The following SLC30A8 variants were observed in gnomAD, a reference collection of about 807,000 sequenced individuals.
The protein encoded by SLC30A8 is proton-coupled zinc antiporter SLC30A8.
In SLC30A8, 27 loss-of-function variants were observed where a neutral mutation model predicts 36.9. The observed-to-expected ratio is 0.73, with a 90% CI of 0.54 to 1.01. The LOEUF (loss-of-function observed/expected upper bound fraction) is 1.01, where lower values mean the gene tolerates loss of function less well. Ranked by LOEUF, SLC30A8 falls within the 50% of genes least tolerant of loss-of-function variation. SLC30A8 has a pLI of 0.00. For synonymous variants in SLC30A8, 164 were observed against 172.4 expected, an observed-to-expected ratio of 0.95 and a Z score of 0.38; for missense variants, 439 against 452.0, an observed-to-expected ratio of 0.97 and a Z score of 0.26.
chr8:117,024,212 C>CA lies in SLC30A8; in HGVS notation c.-265-15001dup, dbSNP rs569492384. On this transcript the variant is annotated intron_variant, in intron 1 of 10. Transcript: ENST00000427715. The stretch of plus-strand genomic sequence containing the variant: ...TAATGTTATTTCCTCCCACAGTCTG[C>CA]AAAAAACAAATTGTGTTTTCTAAAT... Among the ~76,000 whole-genome samples, 45 of 152,196 alleles carry CA rather than the reference C, an allele frequency of 3.0e-4. No homozygotes were observed. The East Asian group carries it at 8.5e-3, about 29-fold the overall frequency.
At chr8:117,076,468 G>T (rs960709012) in intron 2 of SLC30A8, among the ~76,000 whole-genome samples, 10 of 152,094 alleles carry the variant, frequency 6.6e-5, no homozygotes, top group African/African-American at 2.4e-4. Flanking sequence ...CAAGATGAAT[G>T]AAGAAAATTA....
chr8:116,984,270 A>G (rs551928484), intron 1 of SLC30A8, among the ~76,000 whole-genome samples: 20 of 152,266 alleles, frequency 1.3e-4, no homozygotes, highest in Non-Finnish European at 2.4e-4. Flanking sequence ...TTCTATGAAT[A>G]CTTATGTAAA....
chr8:116,960,516 T>TA (rs1212030624), intron 1 of SLC30A8, among the ~76,000 whole-genome samples: 1 of 152,210 alleles, frequency 6.6e-6, no homozygotes, highest in Non-Finnish European at 1.5e-5. Context: ...CAAAGGGAAA[T>TA]ACCGTAAGTA....
chr8:117,161,776 A>G lies in SLC30A8; in HGVS notation c.611A>G (p.Asn204Ser). ...VVLHQRCLGH[N>S]HKEVQANASV... Reference sequence around the variant, plus strand: ...TTGCACCAGAGATGCCTTGGCCACAATCACAAGGAAGTACAAGCCAATGCC... The same window carrying G: ...TTGCACCAGAGATGCCTTGGCCACAGTCACAAGGAAGTACAAGCCAATGCC... The change falls in exon 5 of 8, where the codon AAT becomes AGT. Residue 204 changes from asparagine to serine, a missense_variant. Asn to Ser is a conservative substitution (Grantham distance 46). Transcript: ENST00000456015. 1 of 1,613,924 alleles carries G rather than the reference A, an allele frequency of 6.2e-7. No individual in the cohort carries two copies. Among genetic ancestry groups the G allele is most frequent in the African/African-American group, 1.3e-5 (1 of 75,042 alleles).
Position 117,037,566 on chromosome 8 carries a change from T to C in SLC30A8, c.-265-1653T>C, listed in dbSNP as rs75015149. ...TTGACTCTATGGATATTTCTACAAT[T>C]TTTTTTGAGATAAAATGTACCATTG... On this transcript the variant is annotated intron_variant, in intron 1 of 10. Coordinates refer to the SLC30A8 transcript ENST00000427715. Among the ~76,000 whole-genome samples, 1,198 of 152,194 alleles carry C rather than the reference T, an allele frequency of 7.9e-3. 97 individuals are homozygous for C. In the East Asian group the frequency reaches 0.19, roughly 24 times the overall value.
intron 2 of SLC30A8, among the ~76,000 whole-genome samples, chr8:117,149,769 A>G (rs948226310): frequency 2.0e-5 from 3 of 152,230 alleles, no homozygotes; most frequent in African/African-American, 7.2e-5. Flanking sequence ...TATGATGATC[A>G]TCTACCTTAC....
At chr8:116,950,777 A>G (rs890011141), upstream of SLC30A8, among the ~76,000 whole-genome samples, 6 of 152,192 alleles carry the variant, frequency 3.9e-5, no homozygotes, top group Non-Finnish European at 8.8e-5. Flanking sequence ...GTCAGAGGAC[A>G]ATGTCCTCTG....
intron 1 of SLC30A8, among the ~76,000 whole-genome samples, chr8:116,954,659 C>T (rs542489683): frequency 4.1e-4 from 63 of 152,068 alleles, no homozygotes; most frequent in African/African-American, 1.5e-3. Flanking sequence ...GCAGGAGATG[C>T]GAAAATGAAA....
chr8:117,044,130 A>G (rs909333954), intron 2 of SLC30A8, among the ~76,000 whole-genome samples: 9 of 152,148 alleles, frequency 5.9e-5, no homozygotes, highest in African/African-American at 2.2e-4. Context: ...TGACATTTAG[A>G]TTGAGGACTG....
At chr8:117,067,569 T>C (rs1322580999) in intron 2 of SLC30A8, among the ~76,000 whole-genome samples, 1 of 152,160 alleles carries the variant, frequency 6.6e-6, no homozygotes, top group Non-Finnish European at 1.5e-5. Flanking sequence ...ACAAGGTTAG[T>C]CCATACAATC....
intron 1 of SLC30A8, among the ~76,000 whole-genome samples, chr8:117,137,176 C>T (rs1210130806): frequency 2.0e-5 from 3 of 152,050 alleles, no homozygotes; most frequent in African/African-American, 7.2e-5. Context: ...TAATCTATCT[C>T]CTCCTTAGGT....
At chr8:116,994,845 A>G (rs539962141) in intron 1 of SLC30A8, among the ~76,000 whole-genome samples, 1 of 152,252 alleles carries the variant, frequency 6.6e-6, no homozygotes, top group South Asian at 2.1e-4. Flanking sequence ...GCATGGAGAA[A>G]TGACTTGTGT....
intron 1 of SLC30A8, among the ~76,000 whole-genome samples, chr8:116,998,794 T>C (rs1815906259): frequency 6.6e-6 from 1 of 152,168 alleles, no homozygotes; most frequent in Non-Finnish European, 1.5e-5. Context: ...CAGGGAATGC[T>C]GGAGCCAGCA....
At chr8:117,129,999 G>A (rs1325786631), upstream of SLC30A8, 3 of 151,958 alleles carry the variant, frequency 2.0e-5, no homozygotes, top group Non-Finnish European at 2.9e-5. Context: ...TGCAAAAGGT[G>A]ATAAGGTGCC....
intron 1 of SLC30A8, among the ~76,000 whole-genome samples, chr8:117,136,635 A>T (rs1355369208): frequency 6.6e-6 from 1 of 152,006 alleles, no homozygotes; most frequent in African/African-American, 2.4e-5. Flanking sequence ...ATAATATTAG[A>T]TATGATGTAT....
chr8:117,051,800 G>A (rs1817718433), intron 2 of SLC30A8, among the ~76,000 whole-genome samples: 1 of 151,670 alleles, frequency 6.6e-6, no homozygotes. Flanking sequence ...GCGACAGAAT[G>A]AGACTCTGTT....
intron 6 of SLC30A8, among the ~76,000 whole-genome samples, chr8:117,168,306 C>T (rs974385339): frequency 6.6e-6 from 1 of 152,128 alleles, no homozygotes; most frequent in Non-Finnish European, 1.5e-5. Context: ...TCATCACAAC[C>T]ACTGAGTATT....
At chr8:117,111,756 G>C (rs1030355169) in intron 2 of SLC30A8, among the ~76,000 whole-genome samples, 1 of 152,056 alleles carries the variant, frequency 6.6e-6, no homozygotes, top group Non-Finnish European at 1.5e-5. Context: ...CCATGAAGTC[G>C]ACCTGGAGGA....
At chr8:117,107,602 A>G (rs1026683446) in intron 2 of SLC30A8, among the ~76,000 whole-genome samples, 2 of 152,152 alleles carry the variant, frequency 1.3e-5, no homozygotes, top group African/African-American at 4.8e-5. Context: ...GGGGCCAGAC[A>G]TCCAATCTGC....
Sources: gnomAD v4.1 joint callset for allele counts (sites outside exome capture counted in the v4.1 genomes callset) on GRCh38, gnomAD v4.1.1 for gene constraint, MANE v1.5 for transcripts, NCBI Gene and HGNC (gene_info 2026-07-23, HGNC 2026-07-21) for gene names.